Variants in PTPN13 observed in about 807,000 individuals in gnomAD.
PTPN13 encodes tyrosine-protein phosphatase non-receptor type 13.
Under a neutral mutation model 284.0 loss-of-function variants are expected in PTPN13, and 191 were observed. The observed-to-expected ratio is 0.67, with a 90% confidence interval of 0.60 to 0.76. The LOEUF (loss-of-function observed/expected upper bound fraction) is 0.76. Ranked by LOEUF, PTPN13 falls within the 30% of genes least tolerant of loss-of-function variation. PTPN13 has a pLI of 0.00. For missense variants in PTPN13, 2,797 were observed against 2,939.9 expected, an observed-to-expected ratio of 0.95 and a Z score of 1.12; for synonymous variants, 986 against 1,022.3, an observed-to-expected ratio of 0.96 and a Z score of 0.68.
intron 14 of PTPN13, 53 bp from the exon 15 acceptor site, chr4:86,735,541 G>T: frequency 6.3e-7 from 1 of 1,581,866 alleles, no homozygotes; most frequent in Non-Finnish European, 8.6e-7. Flanking sequence ...AAGGAAAAGG[G>T]TTTACTCCAA....
At chr4:86,686,624 G>T in intron 3 of PTPN13, 86 bp from the exon 4 acceptor site, 1 of 885,102 alleles carries the variant, frequency 1.1e-6, no homozygotes, top group Non-Finnish European at 1.8e-6. Context: ...ATTTTCTTTG[G>T]AACAAAATAA....
chr4:86,597,444 G>A (rs1763915437), intron 1 of PTPN13, among the ~76,000 whole-genome samples: 1 of 152,048 alleles, frequency 6.6e-6, no homozygotes, highest in South Asian at 2.1e-4. Flanking sequence ...ACAATGTCTC[G>A]CTGTATTGAC....
At chr4:86,701,835 G>C (rs1211003961) in intron 7 of PTPN13, 34 bp downstream of exon 7, 1 of 1,523,502 alleles carries the variant, frequency 6.6e-7, no homozygotes, top group African/African-American at 1.4e-5. Context: ...AGAAAGAATT[G>C]AAGTATTTTA....
At chr4:86,725,006 C>T (rs1734087504) in intron 10 of PTPN13, among the ~76,000 whole-genome samples, 1 of 106,358 alleles carries the variant, frequency 9.4e-6, no homozygotes, top group African/African-American at 3.7e-5. Context: ...TGTGATGTTT[C>T]CCGCCCCGTG....
At chr4:86,655,264 G>A (rs1281195341) in intron 2 of PTPN13, among the ~76,000 whole-genome samples, 1 of 152,140 alleles carries the variant, frequency 6.6e-6, no homozygotes, top group Non-Finnish European at 1.5e-5. Flanking sequence ...ATTGTTATGT[G>A]TGAATTTGAT....
Position 86,743,137 on chromosome 4 carries a change from A to T in PTPN13, c.2487+1321A>T, listed in dbSNP as rs1015517024. Among the ~76,000 whole-genome samples, 4 of 152,160 alleles carry T rather than the reference A, an allele frequency of 2.6e-5. No homozygotes were observed. In the East Asian group the frequency reaches 7.7e-4, roughly 29 times the overall value. On this transcript the variant is annotated intron_variant, in intron 16 of 47. Coordinates refer to ENST00000411767, the MANE Select transcript of PTPN13 (RefSeq NM_080683.3). ...ATCTCACAACTGAGTTCTCTCAAGC[A>T]CATTTCTTATCCAGTCCATCCATTA...
At chr4:86,744,893 C>A in intron 16 of PTPN13, 73 bp from the exon 17 acceptor site, 2 of 1,116,848 alleles carry the variant, frequency 1.8e-6, no homozygotes, top group Non-Finnish European at 2.6e-6. Context: ...AAGTCAATAT[C>A]CAGTGCCTAA....
intron 3 of PTPN13, among the ~76,000 whole-genome samples, chr4:86,677,083 C>T (rs575248012): frequency 6.6e-6 from 1 of 151,808 alleles, no homozygotes; most frequent in African/African-American, 2.4e-5. Flanking sequence ...CTGGCTAACA[C>T]GGTAAAACCC....
At chr4:86,803,292 A>G (rs1398731041) in intron 42 of PTPN13, among the ~76,000 whole-genome samples, 1 of 151,474 alleles carries the variant, frequency 6.6e-6, no homozygotes, top group Non-Finnish European at 1.5e-5. Context: ...TAAATAAAAT[A>G]AAATAAAGAC....
At chr4:86,684,088 A>G (rs1044176160) in intron 3 of PTPN13, among the ~76,000 whole-genome samples, 1 of 151,596 alleles carries the variant, frequency 6.6e-6, no homozygotes, top group Admixed American at 6.6e-5. Context: ...TAAGAGGGAT[A>G]CTAAGATATG....
chr4:86,721,052 T>G, intron 9 of PTPN13, among the ~76,000 whole-genome samples: 1 of 152,020 alleles, frequency 6.6e-6, no homozygotes, highest in Non-Finnish European at 1.5e-5. Flanking sequence ...AACCTTTGTT[T>G]CTGACTCCAA....
At chr4:86,606,975 T>G (rs1448600423) in intron 1 of PTPN13, among the ~76,000 whole-genome samples, 2 of 151,924 alleles carry the variant, frequency 1.3e-5, no homozygotes, top group African/African-American at 4.8e-5. Context: ...GGAAATAATG[T>G]TATTCCAGCT....
intron 4 of PTPN13, among the ~76,000 whole-genome samples, chr4:86,687,006 G>A (rs1729532519): frequency 6.6e-6 from 1 of 152,124 alleles, no homozygotes; most frequent in Non-Finnish European, 1.5e-5. Context: ...TCACTACCCA[G>A]GTTTCAACAA....
Position 86,811,080 on chromosome 4 carries a change from T to C in PTPN13, c.7334T>C (p.Leu2445Pro). The C allele has an allele frequency of 6.2e-7, 1 of 1,613,690 alleles. No homozygotes were observed. Among genetic ancestry groups the C allele is most frequent in the Non-Finnish European group, 8.5e-7 (1 of 1,179,678 alleles). ...DISDLVRCMR[L>P]QRHGMVQTED... Reference sequence around the variant, plus strand: ...TCTGATTTGGTGCGCTGCATGAGACTACAAAGACACGGAATGGTTCAGACA... The same window carrying C: ...TCTGATTTGGTGCGCTGCATGAGACCACAAAGACACGGAATGGTTCAGACA... Residue 2445 changes from leucine to proline, a missense_variant, in exon 47 of 48, where the codon CTA becomes CCA. Coordinates refer to ENST00000411767, the MANE Select transcript of PTPN13 (RefSeq NM_080683.3).
intron 2 of PTPN13, among the ~76,000 whole-genome samples, chr4:86,655,777 G>T (rs1725722494): frequency 6.6e-6 from 1 of 152,070 alleles, no homozygotes; most frequent in African/African-American, 2.4e-5. Context: ...TCCTGAATTT[G>T]AACGTTGGCC....
At chr4:86,781,723 G>A (rs1741318529) in intron 36 of PTPN13, among the ~76,000 whole-genome samples, 1 of 151,972 alleles carries the variant, frequency 6.6e-6, no homozygotes, top group Admixed American at 6.5e-5. Flanking sequence ...CCAGCACTTT[G>A]CGAGGCCGAG....
In PTPN13 at chr4:86,734,734, C is replaced by T. The variant is rs776696180; in HGVS notation, c.2013-3C>T. ...AGATGTCTGTGTGTGTTTGTTTTTT[C>T]AGACATACTCTGACGTGTCATCAGT... On this transcript the variant is annotated splice_region_variant and splice_polypyrimidine_tract_variant and intron_variant, in intron 13 of 47. Coordinates refer to ENST00000411767, the MANE Select transcript of PTPN13 (RefSeq NM_080683.3). The T allele has an allele frequency of 6.2e-7, 1 of 1,602,788 alleles. No homozygotes were observed. The highest frequency in any genetic ancestry group is 8.5e-7 in the Non-Finnish European group (1 of 1,172,288).
intron 6 of PTPN13, among the ~76,000 whole-genome samples, chr4:86,698,011 A>T (rs1006410713): frequency 3.9e-5 from 6 of 152,160 alleles, no homozygotes; most frequent in African/African-American, 1.4e-4. Flanking sequence ...TAAATAAAGT[A>T]TATTTATTGT....
chr4:86,608,723 A>G lies in PTPN13; in HGVS notation c.-6+13934A>G, dbSNP rs529519125. ...GGTTCCGAAGCCTGTGTGCCTAAAC[A>G]CTATGCACTAGGTATTTTAATAGTG... On this transcript the variant is annotated intron_variant, in intron 1 of 47. Transcript: ENST00000411767. Among the ~76,000 whole-genome samples the G allele has an allele frequency of 2.8e-4, 42 of 152,234 alleles. No homozygotes were observed. The South Asian group carries it at 8.5e-3, about 31-fold the overall frequency.
Sources: allele counts gnomAD v4.1 joint callset (sites outside exome capture counted in the v4.1 genomes callset), GRCh38; gene constraint gnomAD v4.1.1; transcripts MANE v1.5; gene names NCBI Gene and HGNC (gene_info 2026-07-23, HGNC 2026-07-21).